The following CPEB1 variants were observed in gnomAD, a reference collection of about 807,000 sequenced individuals.
CPEB1 encodes cytoplasmic polyadenylation element binding protein 1.
Under a neutral mutation model 65.8 loss-of-function variants are expected in CPEB1, and 7 were observed. The observed-to-expected ratio is 0.11, with a 90% CI of 0.06 to 0.20. The LOEUF (loss-of-function observed/expected upper bound fraction) is 0.20, where lower values mean the gene tolerates loss of function less well. CPEB1 is among the 10% of genes least tolerant of loss of function. CPEB1 has a pLI of 1.00. For missense variants in CPEB1, 551 were observed against 712.2 expected (o/e 0.77, Z 2.58); for synonymous variants, 262 against 260.0 (o/e 1.01, Z -0.08).
At chr15:82,559,094 G>A (rs2037757348) in intron 4 of CPEB1, among the ~76,000 whole-genome samples, 1 of 152,118 alleles carries the variant, frequency 6.6e-6, no homozygotes, top group African/African-American at 2.4e-5. Flanking sequence ...ATGAAACACA[G>A]GTCACCCAGA....
intron 3 of CPEB1, among the ~76,000 whole-genome samples, chr15:82,594,918 A>T (rs2042560340): frequency 6.6e-6 from 1 of 152,220 alleles, no homozygotes; most frequent in African/African-American, 2.4e-5. Flanking sequence ...CAGCATACAC[A>T]AAGTTTATCA....
At chr15:82,602,725 A>G (rs1244808187) in intron 3 of CPEB1, among the ~76,000 whole-genome samples, 3 of 152,132 alleles carry the variant, frequency 2.0e-5, no homozygotes, top group African/African-American at 7.2e-5. Context: ...AAGTGCCTGT[A>G]ATCCCAGCTA....
chr15:82,567,611 G>C (rs1163907201), intron 4 of CPEB1, among the ~76,000 whole-genome samples: 4 of 151,880 alleles, frequency 2.6e-5, no homozygotes, highest in Non-Finnish European at 1.5e-5. Flanking sequence ...ACTCCAGCTT[G>C]GTCGACAGAG....
chr15:82,572,582 T>C (rs566635951), intron 3 of CPEB1, among the ~76,000 whole-genome samples: 2 of 152,276 alleles, frequency 1.3e-5, no homozygotes, highest in East Asian at 3.9e-4. Context: ...CCTGCAACTG[T>C]AGGCACAGAC....
In CPEB1 at chr15:82,569,650, A is replaced by G. The variant is rs2039710975; in HGVS notation, c.460+1694T>C. ...TCAATTTCATAGTAACTTTCAGACC[A>G]AGCTCTCCAAGCCCCCAGTGGGGCA... On this transcript the variant is annotated intron_variant, in intron 4 of 12. Coordinates refer to ENST00000684509, the MANE Select transcript of CPEB1 (RefSeq NM_001365242.1). Among the ~76,000 whole-genome samples, 3 of 152,238 alleles carry G rather than the reference A, an allele frequency of 2.0e-5. 1 individual carries two copies. The South Asian group carries it at 6.2e-4, about 31-fold the overall frequency.
At chr15:82,599,359 T>C (rs2042917575) in intron 3 of CPEB1, among the ~76,000 whole-genome samples, 1 of 151,838 alleles carries the variant, frequency 6.6e-6, no homozygotes, top group African/African-American at 2.4e-5. Context: ...AATATTGAAA[T>C]ACAACAGAAT....
At chr15:82,556,716 T>TA (rs1395946789) in intron 5 of CPEB1, among the ~76,000 whole-genome samples, 3 of 152,208 alleles carry the variant, frequency 2.0e-5, no homozygotes, top group Non-Finnish European at 2.9e-5. Context: ...CCAATCTAAG[T>TA]AATATAGACA....
chr15:82,612,771 T>G (rs961025014), intron 3 of CPEB1, among the ~76,000 whole-genome samples: 3 of 150,412 alleles, frequency 2.0e-5, no homozygotes, highest in Non-Finnish European at 4.4e-5. Context: ...GGGGCGGAGG[T>G]TGCAGTAAGC....
intron 4 of CPEB1, among the ~76,000 whole-genome samples, chr15:82,559,537 C>G (rs1221492590): frequency 6.6e-6 from 1 of 152,160 alleles, no homozygotes; most frequent in Non-Finnish European, 1.5e-5. Flanking sequence ...CTGGCCAACA[C>G]CTGGTTTGGT....
intron 8 of CPEB1, 125 bp downstream of exon 8, chr15:82,553,342 C>A (rs891532211): frequency 2.3e-5 from 16 of 688,930 alleles, no homozygotes; most frequent in Non-Finnish European, 3.7e-5. Flanking sequence ...CAGGTCTGTG[C>A]CCTGGAGTGC....
intron 3 of CPEB1, among the ~76,000 whole-genome samples, chr15:82,613,536 C>T (rs1399976696): frequency 1.3e-5 from 2 of 152,092 alleles, no homozygotes; most frequent in African/African-American, 4.8e-5. Context: ...CAGGTACGTG[C>T]CACCACACCC....
At chr15:82,602,743 G>A (rs2151200084) in intron 3 of CPEB1, among the ~76,000 whole-genome samples, 1 of 152,252 alleles carries the variant, frequency 6.6e-6, no homozygotes, top group East Asian at 1.9e-4. Flanking sequence ...CTACTCAGGA[G>A]GCTGAGACAG....
At chr15:82,618,714 A>C (rs1042031185) in intron 3 of CPEB1, among the ~76,000 whole-genome samples, 86 of 152,228 alleles carry the variant, frequency 5.6e-4, no homozygotes, top group Non-Finnish European at 5.9e-4. Context: ...AAACAAACAA[A>C]AAACTCCTTT....
chr15:82,573,518 T>C (rs894789292), intron 3 of CPEB1, among the ~76,000 whole-genome samples: 7 of 152,134 alleles, frequency 4.6e-5, no homozygotes, highest in Non-Finnish European at 7.4e-5. Context: ...CATATTTAAG[T>C]ATCTATTCTC....
chr15:82,549,628 T>C lies in CPEB1; in HGVS notation c.1312A>G (p.Ser438Gly). The change falls in exon 10 of 13, where the codon AGT becomes GGT. Residue 438 changes from serine to glycine, a missense_variant. Ser to Gly is a moderately conservative substitution (Grantham distance 56, BLOSUM62 0). This residue lies in a region of CPEB1 where 99 missense variants were observed against 161.3 expected (regional missense o/e 0.61). Coordinates refer to ENST00000684509, the MANE Select transcript of CPEB1 (RefSeq NM_001365242.1). ...VQVIPWVLADSNFVRSPSQRL... is the reference protein window; with the variant it reads ...VQVIPWVLADGNFVRSPSQRL... ...TGAGATGGGCTCCGGACAAAGTTAC[T>C]GTCGGCTAATACCCAGGGGATCACC... 6.2e-7 allele frequency: 1 copy of C among 1,614,184 alleles called. No individual in the cohort carries two copies. The highest frequency in any genetic ancestry group is 8.5e-7 in the Non-Finnish European group (1 of 1,180,040).
intron 3 of CPEB1, among the ~76,000 whole-genome samples, chr15:82,576,216 A>C (rs539033334): frequency 6.6e-6 from 1 of 152,348 alleles, no homozygotes; most frequent in East Asian, 1.9e-4. Context: ...TATGTATATA[A>C]TTCCACTTAT....
At chr15:82,563,938 G>A (rs1249017234) in intron 4 of CPEB1, among the ~76,000 whole-genome samples, 1 of 152,098 alleles carries the variant, frequency 6.6e-6, no homozygotes, top group Admixed American at 6.5e-5. Context: ...CAAGTAATAG[G>A]AACTAGGATC....
At chr15:82,627,138 T>C (rs1596128107) in intron 3 of CPEB1, 55 bp downstream of exon 3, 3 of 1,410,504 alleles carry the variant, frequency 2.1e-6, no homozygotes, top group Admixed American at 4.4e-5. Context: ...ATGCACTACT[T>C]AGAAGCAGAT....
At chr15:82,573,996 A>G (rs1392518766) in intron 3 of CPEB1, among the ~76,000 whole-genome samples, 2 of 152,106 alleles carry the variant, frequency 1.3e-5, no homozygotes, top group Admixed American at 6.5e-5. Context: ...GATGTGTACA[A>G]CTAACACAAT....
Sources: allele counts gnomAD v4.1 joint callset (sites outside exome capture counted in the v4.1 genomes callset), GRCh38; gene constraint gnomAD v4.1.1; regional missense constraint gnomAD v4.1.1; transcripts MANE v1.5; gene names NCBI Gene and HGNC (gene_info 2026-07-23, HGNC 2026-07-21).